ROBO2: variants seen among roughly 807,000 people sequenced by gnomAD.
ROBO2 encodes roundabout guidance receptor 2.
ROBO2 carries 53 observed loss-of-function variants against 160.8 expected under a neutral mutation model. The observed-to-expected ratio is 0.33, with a 90% CI of 0.26 to 0.41. The LOEUF is 0.41. ROBO2 is among the 10% of genes least tolerant of loss of function. The probability of loss-of-function intolerance (pLI) is 1.00; values close to 1 mark genes in which losing one functional copy is unlikely to be tolerated. For synonymous variants in ROBO2, 664 were observed against 611.7 expected (o/e 1.09, Z -1.26); for missense variants, 1,577 against 1,722.4 (o/e 0.92, Z 1.49).
intron 2 of ROBO2, among the ~76,000 whole-genome samples, chr3:76,234,779 C>T (rs1576021324): frequency 6.6e-6 from 1 of 152,156 alleles, no homozygotes; most frequent in South Asian, 2.1e-4. Context: ...TTCCTTGGCA[C>T]AAGTGACCCC....
intron 2 of ROBO2, among the ~76,000 whole-genome samples, chr3:76,437,465 T>C (rs1349196386): frequency 6.6e-6 from 1 of 152,214 alleles, no homozygotes; most frequent in Admixed American, 6.5e-5. Flanking sequence ...TTTTAAACAC[T>C]GTCCCCAATC....
intron 2 of ROBO2, among the ~76,000 whole-genome samples, chr3:76,033,328 C>G (rs968061314): frequency 2.6e-5 from 4 of 151,878 alleles, no homozygotes; most frequent in African/African-American, 9.7e-5. Context: ...ATATCACCGA[C>G]CAGGATATGC....
intron 2 of ROBO2, among the ~76,000 whole-genome samples, chr3:76,221,185 C>G (rs1344357620): frequency 1.3e-5 from 2 of 152,218 alleles, no homozygotes; most frequent in Non-Finnish European, 2.9e-5. Context: ...ACTAAGTCCT[C>G]TTGCCCAACA....
intron 2 of ROBO2, among the ~76,000 whole-genome samples, chr3:77,156,674 T>C (rs2078038223): frequency 6.6e-6 from 1 of 151,498 alleles, no homozygotes; most frequent in African/African-American, 2.4e-5. Context: ...GTAAATAAAA[T>C]ATACTTCATT....
intron 2 of ROBO2, among the ~76,000 whole-genome samples, chr3:77,136,536 A>G (rs2076291245): frequency 7.4e-6 from 1 of 135,920 alleles, no homozygotes; most frequent in Non-Finnish European, 1.5e-5. Context: ...TGTCACACAG[A>G]CTGGAATGAA....
chr3:76,522,425 G>A (rs1470610837), intron 2 of ROBO2, among the ~76,000 whole-genome samples: 1 of 151,992 alleles, frequency 6.6e-6, no homozygotes, highest in Non-Finnish European at 1.5e-5. Context: ...AAATACAGCT[G>A]ACCAAAAATG....
chr3:75,911,108 T>C (rs1358425309), intron 1 of ROBO2, among the ~76,000 whole-genome samples: 1 of 152,158 alleles, frequency 6.6e-6, no homozygotes, highest in Non-Finnish European at 1.5e-5. Context: ...GTGTGATATA[T>C]ATTTTGAATT....
chr3:77,197,934 G>T (rs533226899), intron 2 of ROBO2, among the ~76,000 whole-genome samples: 1 of 152,148 alleles, frequency 6.6e-6, no homozygotes, highest in Non-Finnish European at 1.5e-5. Flanking sequence ...GAAGATGGGG[G>T]TGAGGGGGAA....
chr3:76,551,105 G>A (rs1484048554), intron 2 of ROBO2, among the ~76,000 whole-genome samples: 1 of 151,992 alleles, frequency 6.6e-6, no homozygotes, highest in Non-Finnish European at 1.5e-5. Flanking sequence ...GCTTTTTCCA[G>A]TCCCACCCAT....
intron 2 of ROBO2, among the ~76,000 whole-genome samples, chr3:76,129,219 T>C (rs2071126667): frequency 6.6e-6 from 1 of 152,050 alleles, no homozygotes; most frequent in South Asian, 2.1e-4. Flanking sequence ...ATGTGAAAAA[T>C]ATTCTTTAGT....
At chr3:76,378,187 C>G (rs1296775897) in intron 2 of ROBO2, among the ~76,000 whole-genome samples, 1 of 152,144 alleles carries the variant, frequency 6.6e-6, no homozygotes, top group Non-Finnish European at 1.5e-5. Context: ...AAATAAACCT[C>G]TATACTCATT....
intron 2 of ROBO2, among the ~76,000 whole-genome samples, chr3:77,327,871 C>T (rs530909461): frequency 2.0e-5 from 3 of 151,676 alleles, no homozygotes; most frequent in South Asian, 4.2e-4. Context: ...ACAACAATGG[C>T]GAAACCCCGT....
intron 2 of ROBO2, among the ~76,000 whole-genome samples, chr3:76,505,818 T>C (rs1245509676): frequency 1.3e-5 from 2 of 152,208 alleles, no homozygotes; most frequent in Admixed American, 6.5e-5. Context: ...TACGGCTTTT[T>C]GTTACTGTCC....
chr3:77,271,578 G>A (rs2059494109), intron 2 of ROBO2, among the ~76,000 whole-genome samples: 1 of 152,182 alleles, frequency 6.6e-6, no homozygotes, highest in Admixed American at 6.5e-5. Context: ...GCTATTCTTA[G>A]CTATTCATTC....
At chr3:76,151,772 C>T (rs113232910) in intron 2 of ROBO2, among the ~76,000 whole-genome samples, 3 of 152,146 alleles carry the variant, frequency 2.0e-5, no homozygotes, top group African/African-American at 7.2e-5. Context: ...CAAAACCTTT[C>T]CTGATCAACT....
chr3:77,124,365 G>A (rs770551816), intron 2 of ROBO2, among the ~76,000 whole-genome samples: 24 of 152,190 alleles, frequency 1.6e-4, no homozygotes, highest in South Asian at 4.1e-4. Context: ...AAAGAGTAGC[G>A]TTTTTGGACT....
chr3:77,433,486 GTATATATATATATATA>G lies in ROBO2; in HGVS notation c.389-43910_389-43895del, dbSNP rs57475227. Among the ~76,000 whole-genome samples the G allele has an allele frequency of 5.4e-4, 54 of 99,414 alleles. 1 individual carries two copies. Among genetic ancestry groups the G allele is most frequent in the African/African-American group, 1.7e-3 (49 of 28,376 alleles). The allele number at this position is 99,414 out of a possible 152,430, so 65.2% of individuals were successfully genotyped here. A position where few individuals can be genotyped will look rare whatever the true frequency, so the allele number is the denominator to read the frequency against. ...GATTTTCCTTCTTCTCTGGCAACTT[GTATATATATATATATA>G]TATATATATATATATATTTCTCCTT... On this transcript the variant is annotated intron_variant, in intron 2 of 25. Transcript: ENST00000461745.
intron 2 of ROBO2, among the ~76,000 whole-genome samples, chr3:76,687,355 TAGAG>T (rs78949367): frequency 2.0e-5 from 3 of 152,174 alleles, no homozygotes; most frequent in African/African-American, 4.8e-5. Context: ...TTAATATATA[TAGAG>T]AGAGTATAAA....
chr3:77,084,282 GCAAA>G (rs745665298), intron 1 of ROBO2, among the ~76,000 whole-genome samples: 1 of 151,908 alleles, frequency 6.6e-6, no homozygotes, highest in Non-Finnish European at 1.5e-5. Context: ...GGAATATTAG[GCAAA>G]CATCATTAAA....
Sources: allele counts gnomAD v4.1 joint callset (sites outside exome capture counted in the v4.1 genomes callset), GRCh38; gene constraint gnomAD v4.1.1; transcripts MANE v1.5; gene names NCBI Gene and HGNC (gene_info 2026-07-23, HGNC 2026-07-21).